PRKCA: variants seen among roughly 807,000 people sequenced by gnomAD.
PRKCA encodes protein kinase C alpha type.
Under a neutral mutation model 87.0 loss-of-function variants are expected in PRKCA, and 27 were observed. The observed-to-expected ratio is 0.31, with a 90% confidence interval of 0.23 to 0.43. The LOEUF is 0.43. Among genes scored for constraint, PRKCA ranks in the 20% least tolerant of loss-of-function variants. PRKCA has a pLI of 1.00. For missense variants in PRKCA, 518 were observed against 852.3 expected (o/e 0.61, Z 4.88); for synonymous variants, 329 against 311.1 (o/e 1.06, Z -0.61).
chr17:66,554,037 G>A (rs1355885172), intron 3 of PRKCA, among the ~76,000 whole-genome samples: 1 of 152,150 alleles, frequency 6.6e-6, no homozygotes, highest in Non-Finnish European at 1.5e-5. Context: ...TACAAGACCT[G>A]TAAGTGAAGA....
intron 14 of PRKCA, among the ~76,000 whole-genome samples, chr17:66,780,833 C>T (rs1461526961): frequency 2.6e-5 from 4 of 152,024 alleles, no homozygotes; most frequent in Non-Finnish European, 5.9e-5. Flanking sequence ...TCAGGCCAGG[C>T]GTGGTGACAC....
chr17:66,353,465 C>T (rs1445747426), intron 2 of PRKCA, among the ~76,000 whole-genome samples: 1 of 152,138 alleles, frequency 6.6e-6, no homozygotes, highest in East Asian at 1.9e-4. Context: ...CCTGTAATCC[C>T]AGCACTTTGG....
chr17:66,692,666 A>AT (rs1567979432), intron 8 of PRKCA, among the ~76,000 whole-genome samples: 1 of 152,146 alleles, frequency 6.6e-6, no homozygotes, highest in Non-Finnish European at 1.5e-5. Context: ...GGTCTGTAGC[A>AT]TGAGTGCTTC....
intron 3 of PRKCA, among the ~76,000 whole-genome samples, chr17:66,535,099 G>A (rs981404236): frequency 1.3e-5 from 2 of 152,208 alleles, no homozygotes; most frequent in Admixed American, 1.3e-4. Context: ...AGACTGCGCT[G>A]TTACCATTTT....
rs111846445 is a variant in PRKCA, at chr17:66,693,628, G to A, written c.918+4581G>A. 2.3e-3 allele frequency among the ~76,000 whole-genome samples: 351 copies of A among 152,270 alleles called. 1 individual carries two copies. The highest frequency in any genetic ancestry group is 7.9e-3 in the African/African-American group (328 of 41,558). ...CTCTGCTCCCTGTGATGAGGCTCACGGCCAGAGTTGGGAAAAGGTCCACCT... is the reference window on the plus strand; with the variant it reads ...CTCTGCTCCCTGTGATGAGGCTCACAGCCAGAGTTGGGAAAAGGTCCACCT... On this transcript the variant is annotated intron_variant, in intron 8 of 16. Coordinates refer to ENST00000413366, the MANE Select transcript of PRKCA (RefSeq NM_002737.3).
At chr17:66,613,763 C>G (rs990604264) in intron 3 of PRKCA, among the ~76,000 whole-genome samples, 1 of 146,572 alleles carries the variant, frequency 6.8e-6, no homozygotes, top group African/African-American at 2.5e-5. Flanking sequence ...CCACCTTAAT[C>G]CAGTATGACT....
intron 3 of PRKCA, among the ~76,000 whole-genome samples, chr17:66,564,625 T>G (rs1205776802): frequency 3.9e-5 from 6 of 152,184 alleles, no homozygotes; most frequent in African/African-American, 9.6e-5. Context: ...TTTAGTACAT[T>G]AGATTTGGAT....
At chr17:66,410,341 C>T (rs530216882) in intron 2 of PRKCA, among the ~76,000 whole-genome samples, 2 of 152,024 alleles carry the variant, frequency 1.3e-5, no homozygotes, top group Non-Finnish European at 1.5e-5. Flanking sequence ...TGAATGAACT[C>T]ACAAATGGAA....
At chr17:66,691,274 A>T (rs1334199001) in intron 8 of PRKCA, among the ~76,000 whole-genome samples, 2 of 152,178 alleles carry the variant, frequency 1.3e-5, no homozygotes, top group Admixed American at 6.5e-5. Flanking sequence ...AAATAATTTT[A>T]AAAAATTATT....
At chr17:66,536,530 G>A (rs1481704812) in intron 3 of PRKCA, among the ~76,000 whole-genome samples, 4 of 152,196 alleles carry the variant, frequency 2.6e-5, no homozygotes, top group South Asian at 4.1e-4. Flanking sequence ...CTTCGGAGCC[G>A]GAAGACCAGG....
At chr17:66,566,814 G>A (rs566509254) in intron 3 of PRKCA, among the ~76,000 whole-genome samples, 4 of 152,178 alleles carry the variant, frequency 2.6e-5, no homozygotes, top group East Asian at 3.9e-4. Context: ...TGGTGTTTGG[G>A]ACACAGCCTC....
At chr17:66,716,845 C>T (rs1447285072) in intron 8 of PRKCA, among the ~76,000 whole-genome samples, 1 of 152,238 alleles carries the variant, frequency 6.6e-6, no homozygotes, top group African/African-American at 2.4e-5. Flanking sequence ...CGGAGGCCCT[C>T]TCGCTGCCTG....
chr17:66,565,822 T>A (rs1220675758), intron 3 of PRKCA, among the ~76,000 whole-genome samples: 1 of 152,154 alleles, frequency 6.6e-6, no homozygotes, highest in East Asian at 1.9e-4. Context: ...CAAAAAGGCC[T>A]TGCCTGTAGC....
Position 66,338,040 on chromosome 17 carries a change from A to AT in PRKCA, c.205+31919dup, listed in dbSNP as rs372707038. On this transcript the variant is annotated intron_variant, in intron 2 of 16. Transcript: ENST00000413366. ...CCCCTTAATTTCCAATTGAGTAGTGATTTTTTGTGGTTGGAGAGGTAGTTT... is the reference window on the plus strand; with the variant it reads ...CCCCTTAATTTCCAATTGAGTAGTGATTTTTTTGTGGTTGGAGAGGTAGTTT... 2.4e-3 allele frequency among the ~76,000 whole-genome samples: 279 copies of AT among 117,924 alleles called. 1 individual carries two copies. The highest frequency in any genetic ancestry group is 8.6e-3 in the African/African-American group (266 of 30,756). 77.4% of individuals were successfully genotyped at this position (117,924 alleles called of 152,430 possible). A position where few individuals can be genotyped will look rare whatever the true frequency, so the allele number is the denominator to read the frequency against.
intron 3 of PRKCA, among the ~76,000 whole-genome samples, chr17:66,520,476 G>A (rs535307669): frequency 1.0e-3 from 157 of 151,964 alleles, no homozygotes; most frequent in Non-Finnish European, 1.2e-4. Context: ...TGTTGCCCAG[G>A]CTGGTCTCAA....
At chr17:66,378,859 C>A (rs879590805) in intron 2 of PRKCA, among the ~76,000 whole-genome samples, 32 of 151,388 alleles carry the variant, frequency 2.1e-4, no homozygotes, top group Admixed American at 3.3e-4. Context: ...CAAGATCACA[C>A]CACTACACTC....
At chr17:66,723,124 C>T (rs1973654675) in intron 8 of PRKCA, among the ~76,000 whole-genome samples, 1 of 151,462 alleles carries the variant, frequency 6.6e-6, no homozygotes, top group Non-Finnish European at 1.5e-5. Context: ...TCATGAGCTC[C>T]TGCAAAGCCC....
intron 3 of PRKCA, among the ~76,000 whole-genome samples, chr17:66,530,792 A>G (rs1055057725): frequency 6.6e-6 from 1 of 152,108 alleles, no homozygotes; most frequent in African/African-American, 2.4e-5. Flanking sequence ...CAAGCTGCCT[A>G]AAATGTGAAT....
chr17:66,498,759 C>T (rs772133918), intron 3 of PRKCA, among the ~76,000 whole-genome samples: 25 of 152,234 alleles, frequency 1.6e-4, no homozygotes, highest in African/African-American at 5.3e-4. Flanking sequence ...TGTGTGTGTG[C>T]GTGCGTACGC....
Sources: allele counts gnomAD v4.1 joint callset (sites outside exome capture counted in the v4.1 genomes callset), GRCh38; gene constraint gnomAD v4.1.1; transcripts MANE v1.5; gene names NCBI Gene and HGNC (gene_info 2026-07-23, HGNC 2026-07-21).